OR10J1: variants seen among roughly 807,000 people sequenced by gnomAD.
OR10J1 encodes olfactory receptor family 10 subfamily J member 1, also known as olfactory receptor 10J1.
For synonymous variants in OR10J1, 202 were observed against 143.8 expected (o/e 1.40, Z -2.89); for missense variants, 474 against 376.6 (o/e 1.26, Z -2.14).
the OR10J1 span, among the ~76,000 whole-genome samples, chr1:159,401,229 G>A: frequency 6.6e-6 from 1 of 151,218 alleles, no homozygotes; most frequent in African/African-American, 2.4e-5. Context: ...AAACCCCAAA[G>A]TAGTAGAAGA....
the OR10J1 span, among the ~76,000 whole-genome samples, chr1:159,401,978 G>T: frequency 6.6e-6 from 1 of 151,934 alleles, no homozygotes; most frequent in Non-Finnish European, 1.5e-5. Context: ...TACATCAAAA[G>T]AATATAGGAC....
the OR10J1 span, among the ~76,000 whole-genome samples, chr1:159,430,668 T>TGTGTGTGCGCGCGC: frequency 3.2e-4 from 22 of 69,710 alleles, no homozygotes; most frequent in Middle Eastern, 0.031. Flanking sequence ...TGTGTGTGTG[T>TGTGTGTGCGCGCGC]GCGCGCGCGC....
chr1:159,430,668 TGC>T, the OR10J1 span, among the ~76,000 whole-genome samples: 7 of 69,612 alleles, frequency 1.0e-4, no homozygotes, highest in African/African-American at 1.8e-4. Context: ...TGTGTGTGTG[TGC>T]GCGCGCGCAC....
the OR10J1 span, among the ~76,000 whole-genome samples, chr1:159,423,889 T>A: frequency 6.6e-6 from 1 of 152,166 alleles, no homozygotes; most frequent in Non-Finnish European, 1.5e-5. Context: ...AATTGGCTTA[T>A]TAGAGCTTTT....
chr1:159,409,976 T>C, the OR10J1 span, among the ~76,000 whole-genome samples: 19 of 152,110 alleles, frequency 1.2e-4, no homozygotes, highest in Non-Finnish European at 2.8e-4. Flanking sequence ...TTGTCTTTGG[T>C]TCTGTTTATA....
chr1:159,438,447 A>T (rs546870544), upstream of OR10J1, among the ~76,000 whole-genome samples: 7 of 152,330 alleles, frequency 4.6e-5, no homozygotes, highest in Admixed American at 4.6e-4. Context: ...AGCATTTCTG[A>T]TTTCACCATA....
chr1:159,434,725 A>T (rs78664943), upstream of OR10J1, among the ~76,000 whole-genome samples: 1 of 152,164 alleles, frequency 6.6e-6, no homozygotes, highest in Non-Finnish European at 1.5e-5. Context: ...TCCTATCTGC[A>T]TGGTGAGTCG....
chr1:159,412,899 C>A, the OR10J1 span, among the ~76,000 whole-genome samples: 9,812 of 151,608 alleles, frequency 0.065, 654 homozygotes, highest in East Asian at 0.41. Flanking sequence ...AGTGAACAGG[C>A]AACCTACAAC....
chr1:159,407,842 G>C, the OR10J1 span, among the ~76,000 whole-genome samples: 4 of 151,986 alleles, frequency 2.6e-5, no homozygotes, highest in Non-Finnish European at 4.4e-5. Context: ...TTAGTTTCTT[G>C]TTAATTATTT....
At chr1:159,419,854 A>G in the OR10J1 span, among the ~76,000 whole-genome samples, 1 of 152,220 alleles carries the variant, frequency 6.6e-6, no homozygotes, top group Non-Finnish European at 1.5e-5. Context: ...TTGGTTAAAT[A>G]TGCAACTTAA....
At chr1:159,424,378 G>A in the OR10J1 span, among the ~76,000 whole-genome samples, 9 of 150,230 alleles carry the variant, frequency 6.0e-5, no homozygotes, top group African/African-American at 2.2e-4. Context: ...ATATGTATAT[G>A]TGCATATATG....
chr1:159,439,203 A>C (rs1276812221), upstream of OR10J1, among the ~76,000 whole-genome samples: 1 of 152,194 alleles, frequency 6.6e-6, no homozygotes, highest in Non-Finnish European at 1.5e-5. Flanking sequence ...AAGGATGCGC[A>C]AGGAGGATGA....
At chr1:159,398,313 A>G in the OR10J1 span, among the ~76,000 whole-genome samples, 1 of 152,236 alleles carries the variant, frequency 6.6e-6, no homozygotes, top group African/African-American at 2.4e-5. Flanking sequence ...ATTACAATAC[A>G]TACATTACTC....
At chr1:159,439,407 G>T (rs1053330132), upstream of OR10J1, among the ~76,000 whole-genome samples, 2 of 152,148 alleles carry the variant, frequency 1.3e-5, no homozygotes, top group Non-Finnish European at 2.9e-5. Context: ...GAGAACCTCT[G>T]AGTGTAATAC....
the OR10J1 span, chr1:159,405,542 A>AGATCTCGGT: frequency 2.9e-6 from 1 of 348,358 alleles, no homozygotes; most frequent in South Asian, 3.1e-5. Context: ...ATAATGGTGT[A>AGATCTCGGT]GGTCACTGAG....
At chr1:159,424,848 A>C in the OR10J1 span, among the ~76,000 whole-genome samples, 1 of 152,278 alleles carries the variant, frequency 6.6e-6, no homozygotes, top group African/African-American at 2.4e-5. Flanking sequence ...GAAAAATATA[A>C]ATTGCCAGAT....
chr1:159,419,836 C>T, the OR10J1 span, among the ~76,000 whole-genome samples: 242 of 152,188 alleles, frequency 1.6e-3, 2 homozygotes, highest in Middle Eastern at 0.031. Context: ...AATGCCTTTT[C>T]GGTTCATTTG....
the OR10J1 span, among the ~76,000 whole-genome samples, chr1:159,423,093 C>T: frequency 1.3e-5 from 2 of 152,122 alleles, no homozygotes; most frequent in African/African-American, 2.4e-5. Flanking sequence ...CAATCCTTTC[C>T]AATTTTTCAA....
In OR10J1 at chr1:159,440,019, C is replaced by T. The variant is rs749891126; in HGVS notation, c.228C>T (p.Val76=). ...LSTSETVYTL[V]ILPRMLSSLV... is the part of the protein sequence containing the mutation. ...CTTCAGAGACTGTATATACATTGGT[C>T]ATTCTCCCAAGAATGCTCTCCAGCC... is the stretch of plus-strand genomic sequence containing the variant. The change falls in exon 1 of 1, where the codon GTC becomes GTT. Residue 76 remains valine, a synonymous_variant. Coordinates refer to ENST00000423932, the MANE Select transcript of OR10J1 (RefSeq NM_012351.3). 6.2e-7 allele frequency: 1 copy of T among 1,614,162 alleles called. No individual in the cohort carries two copies. Among genetic ancestry groups the T allele is most frequent in the Non-Finnish European group, 8.5e-7 (1 of 1,180,030 alleles).
Sources: allele counts gnomAD v4.1 joint callset (sites outside exome capture counted in the v4.1 genomes callset), GRCh38; gene constraint gnomAD v4.1.1; transcripts MANE v1.5; gene names NCBI Gene and HGNC (gene_info 2026-07-23, HGNC 2026-07-21).